Variants in MYO3B observed in about 807,000 individuals in gnomAD.
MYO3B encodes myosin IIIB, also known as myosin-IIIb.
In MYO3B, 156 loss-of-function variants were observed where a neutral mutation model predicts 174.6. The ratio of observed to expected loss-of-function variants is 0.89; its 90% CI spans 0.78 to 1.02. The LOEUF is 1.02. Ranked by LOEUF, MYO3B falls within the 50% of genes least tolerant of loss-of-function variation. The pLI is 0.00. For synonymous variants in MYO3B, 563 were observed against 569.1 expected, an observed-to-expected ratio of 0.99 and a Z score of 0.15; for missense variants, 1,632 against 1,639.4, an observed-to-expected ratio of 1.00 and a Z score of 0.08.
Position 170,200,234 on chromosome 2 carries a change from T to C in MYO3B, c.271T>C (p.Phe91Leu). The stretch of plus-strand genomic sequence containing the variant: ...CAATGTTGTAAAGTTTTATGGGATG[T>C]TTTACAAAGCGGATCACTGTGTAGG... Reference protein sequence around the residue: ...HPNVVKFYGMFYKADHCVGGQ... With the variant: ...HPNVVKFYGMLYKADHCVGGQ... The change falls in exon 3 of 35, where the codon TTT (phenylalanine) becomes CTT (leucine). Residue 91 changes from phenylalanine (F) to leucine (L), a missense_variant. Coordinates refer to ENST00000408978, the MANE Select transcript of MYO3B (RefSeq NM_138995.5). The C allele has an allele frequency of 1.9e-6, 3 of 1,613,490 alleles. No individual in the cohort carries two copies. Among genetic ancestry groups the C allele is most frequent in the Non-Finnish European group, 2.5e-6 (3 of 1,179,640 alleles).
chr2:170,634,748 A>C (rs1257075696), intron 32 of MYO3B, among the ~76,000 whole-genome samples: 1 of 152,264 alleles, frequency 6.6e-6, no homozygotes, highest in Non-Finnish European at 1.5e-5. Context: ...TCCAGAATCT[A>C]CAAAGAACTC....
At chr2:170,517,829 C>A (rs1688418355) in intron 29 of MYO3B, among the ~76,000 whole-genome samples, 1 of 151,784 alleles carries the variant, frequency 6.6e-6, no homozygotes, top group South Asian at 2.1e-4. Context: ...GGGGGAAAAC[C>A]TGCCTGGTGC....
At chr2:170,497,146 TC>T (rs1302316936) in intron 25 of MYO3B, among the ~76,000 whole-genome samples, 6 of 152,150 alleles carry the variant, frequency 3.9e-5, no homozygotes, top group Non-Finnish European at 8.8e-5. Flanking sequence ...AAGGTACTCT[TC>T]CTATACCCAG....
chr2:170,262,983 G>A (rs2093356407), intron 7 of MYO3B, among the ~76,000 whole-genome samples: 1 of 152,096 alleles, frequency 6.6e-6, no homozygotes, highest in Admixed American at 6.5e-5. Flanking sequence ...ATGATCATTT[G>A]ATCATTGCAT....
intron 30 of MYO3B, among the ~76,000 whole-genome samples, chr2:170,537,448 A>C (rs1382457753): frequency 1.8e-5 from 1 of 54,804 alleles, no homozygotes; most frequent in Non-Finnish European, 3.2e-5. Flanking sequence ...GAGCTCTTTG[A>C]TTTTTTTTTT....
intron 30 of MYO3B, among the ~76,000 whole-genome samples, chr2:170,535,263 C>G (rs1383874168): frequency 1.3e-5 from 2 of 152,138 alleles, no homozygotes; most frequent in East Asian, 3.9e-4. Context: ...GTCTGGGAGC[C>G]TGTAGAAGAC....
At chr2:170,229,134 C>A (rs2092987118) in intron 6 of MYO3B, among the ~76,000 whole-genome samples, 1 of 152,152 alleles carries the variant, frequency 6.6e-6, no homozygotes, top group Non-Finnish European at 1.5e-5. Flanking sequence ...TATACTGTAA[C>A]CACAATTTCT....
intron 30 of MYO3B, among the ~76,000 whole-genome samples, chr2:170,522,218 GTT>G (rs1031948190): frequency 1.3e-5 from 2 of 152,062 alleles, no homozygotes; most frequent in African/African-American, 2.4e-5. Flanking sequence ...GCAAGTCTCT[GTT>G]CTGAGCTCCA....
chr2:170,651,340 A>G (rs1698998847), intron 32 of MYO3B, among the ~76,000 whole-genome samples: 1 of 152,190 alleles, frequency 6.6e-6, no homozygotes, highest in African/African-American at 2.4e-5. Context: ...GCTGACCACC[A>G]ACTTATACTT....
chr2:170,474,686 TGAGCC>T (rs1460051639), intron 25 of MYO3B, among the ~76,000 whole-genome samples: 3 of 126,058 alleles, frequency 2.4e-5, no homozygotes, highest in African/African-American at 9.1e-5. Flanking sequence ...GAGATTGCGG[TGAGCC>T]GAGATCACCC....
At chr2:170,310,444 C>T (rs1574762476) in intron 7 of MYO3B, among the ~76,000 whole-genome samples, 3 of 152,136 alleles carry the variant, frequency 2.0e-5, no homozygotes, top group East Asian at 3.9e-4. Context: ...GGGCGGATCA[C>T]CCGAGGTCAG....
intron 3 of MYO3B, among the ~76,000 whole-genome samples, chr2:170,210,391 A>T (rs902026810): frequency 3.3e-5 from 5 of 152,220 alleles, no homozygotes; most frequent in African/African-American, 1.2e-4. Context: ...CTTTTACTAA[A>T]AACACATCTT....
intron 32 of MYO3B, among the ~76,000 whole-genome samples, chr2:170,595,668 G>A: frequency 6.6e-6 from 1 of 152,078 alleles, no homozygotes; most frequent in East Asian, 1.9e-4. Flanking sequence ...TGAACCCTGG[G>A]CTCAAGCAGT....
At chr2:170,589,839 C>T (rs967850961) in intron 32 of MYO3B, among the ~76,000 whole-genome samples, 18 of 152,214 alleles carry the variant, frequency 1.2e-4, no homozygotes, top group East Asian at 1.9e-4. Context: ...CACTCACTGA[C>T]GCACCCAGTG....
At chr2:170,243,085 GA>G (rs1014320633) in intron 7 of MYO3B, among the ~76,000 whole-genome samples, 2 of 152,290 alleles carry the variant, frequency 1.3e-5, no homozygotes, top group South Asian at 2.1e-4. Context: ...TCATTTGAAG[GA>G]AAATATAGTA....
chr2:170,283,955 C>T (rs898746659), intron 7 of MYO3B, among the ~76,000 whole-genome samples: 1 of 152,224 alleles, frequency 6.6e-6, no homozygotes, highest in Non-Finnish European at 1.5e-5. Context: ...ATTGGCTTCT[C>T]AGTTTTCCAA....
chr2:170,320,479 T>C lies in MYO3B; in HGVS notation c.750-14906T>C, dbSNP rs764100039. ...GTTATTTAATGAACCTATCTCATTT[T>C]GTGAGAAATAGATTTAAAAATTAAG... On this transcript the variant is annotated intron_variant, in intron 7 of 34. Transcript: ENST00000408978. Among the ~76,000 whole-genome samples the C allele has an allele frequency of 4.6e-5, 7 of 152,340 alleles. No individual in the cohort carries two copies. In the Middle Eastern group the frequency reaches 0.01, roughly 222 times the overall value.
chr2:170,335,439 C>T lies in MYO3B; in HGVS notation c.804C>T (p.His268=). The T allele has an allele frequency of 6.2e-7, 1 of 1,611,768 alleles. No homozygotes were observed. The change falls in exon 8 of 35, where the codon CAC becomes CAT. Residue 268 remains histidine (H), a synonymous_variant. Transcript: ENST00000408978. ...AAAAATGGTGTGAAGAATTCAACCA[C>T]TTTATTTCACAGTGAGTATTTCTTC... The part of the protein sequence containing the change: ...HPEKWCEEFN[H]FISQCLIKDF...
chr2:170,610,413 G>A (rs1371806711), intron 32 of MYO3B, among the ~76,000 whole-genome samples: 1 of 152,090 alleles, frequency 6.6e-6, no homozygotes, highest in Non-Finnish European at 1.5e-5. Context: ...TACAGAAGAG[G>A]CCAAGATAGA....
Sources: allele counts gnomAD v4.1 joint callset (sites outside exome capture counted in the v4.1 genomes callset), GRCh38; gene constraint gnomAD v4.1.1; transcripts MANE v1.5; gene names NCBI Gene and HGNC (gene_info 2026-07-23, HGNC 2026-07-21).